Variants in BBX observed in about 807,000 individuals in gnomAD.
BBX encodes the protein HMG box transcription factor BBX.
In BBX, 30 loss-of-function variants were observed where a neutral mutation model predicts 100.2. The observed-to-expected ratio is 0.30, with a 90% CI of 0.22 to 0.41. The LOEUF (loss-of-function observed/expected upper bound fraction) is 0.41. Among genes scored for constraint, BBX ranks in the 10% least tolerant of loss-of-function variants. The pLI, the probability that BBX is intolerant of heterozygous loss-of-function variation, is 1.00. For missense variants in BBX, 1,023 were observed against 1,129.8 expected, an observed-to-expected ratio of 0.91 and a Z score of 1.35; for synonymous variants, 376 against 388.1, an observed-to-expected ratio of 0.97 and a Z score of 0.37.
intron 3 of BBX, among the ~76,000 whole-genome samples, chr3:107,694,535 G>A (rs2108112980): frequency 6.9e-6 from 1 of 145,710 alleles, no homozygotes; most frequent in South Asian, 2.2e-4. Flanking sequence ...TTGCATCCCA[G>A]GGATGAAGCC....
chr3:107,690,891 C>CTTTTTTTTTTTTTT (rs1305340083), intron 3 of BBX, among the ~76,000 whole-genome samples: 1 of 72,312 alleles, frequency 1.4e-5, no homozygotes, highest in Non-Finnish European at 2.7e-5. Context: ...TGCCCCCCCC[C>CTTTTTTTTTTTTTT]CTTTTTTTTT....
chr3:107,700,444 T>TATC (rs2108183561), intron 3 of BBX, among the ~76,000 whole-genome samples: 1 of 147,146 alleles, frequency 6.8e-6, no homozygotes, highest in South Asian at 2.2e-4. Flanking sequence ...TTATTATTAT[T>TATC]ATTATTATTA....
intron 3 of BBX, among the ~76,000 whole-genome samples, chr3:107,658,371 C>G (rs992558007): frequency 2.6e-5 from 4 of 152,110 alleles, no homozygotes; most frequent in African/African-American, 9.7e-5. Flanking sequence ...AAAATGCCAT[C>G]AGCAAACAAA....
At position 107,697,472 on chromosome 3, in the gene BBX, C is replaced by G. The variant is rs544382963; in HGVS notation, c.-9-12980C>G. On this transcript the variant is annotated intron_variant, in intron 3 of 17. Coordinates refer to ENST00000325805, the MANE Select transcript of BBX (RefSeq NM_001142568.3). ...GTACCTGGCCTTGTGAGGTGTCAGT[C>G]TGCCCCTGCTGGGGGTGCCTCCCAG... Among the ~76,000 whole-genome samples the G allele has an allele frequency of 1.4e-3, 213 of 151,964 alleles. 7 individuals are homozygous for G. The highest frequency in any genetic ancestry group is 4.5e-3 in the African/African-American group (185 of 41,254).
At position 107,617,481 on chromosome 3, in the gene BBX, CTA is replaced by C. The variant is rs145569279; in HGVS notation, c.-83-28353_-83-28352del. Among the ~76,000 whole-genome samples, 634 of 152,130 alleles carry C rather than the reference CTA, an allele frequency of 4.2e-3. 5 individuals are homozygous for C. Among genetic ancestry groups the C allele is most frequent in the African/African-American group, 0.015 (608 of 41,516 alleles). ...AATTTGGAGAGAATTGCCATCTTCG[CTA>C]TGTTTAGTTTTCTAATTCATGAACA... is the stretch of plus-strand genomic sequence containing the variant. On this transcript the variant is annotated intron_variant, in intron 2 of 17. Coordinates refer to ENST00000325805, the MANE Select transcript of BBX (RefSeq NM_001142568.3).
intron 3 of BBX, among the ~76,000 whole-genome samples, chr3:107,650,025 T>G (rs1365753594): frequency 6.6e-6 from 1 of 152,228 alleles, no homozygotes; most frequent in Non-Finnish European, 1.5e-5. Context: ...TACTGAAATT[T>G]TTTTCCTCAT....
chr3:107,792,800 A>G (rs553986598), intron 15 of BBX, among the ~76,000 whole-genome samples: 1 of 152,174 alleles, frequency 6.6e-6, no homozygotes, highest in Non-Finnish European at 1.5e-5. Flanking sequence ...GAAGAGTTTG[A>G]AGGACATTTA....
chr3:107,791,300 G>A lies in BBX; in HGVS notation c.2353+1G>A, dbSNP rs1325056966. On this transcript the variant is annotated splice_donor_variant, in intron 15 of 17. Transcript: ENST00000325805. LOFTEE classifies it high-confidence loss of function. The stretch of plus-strand genomic sequence containing the variant: ...TTGGATGCCATTCACCCTACAGAAG[G>A]TAAGACAAGCAATGTTATTTAATTT... The A allele has an allele frequency of 6.2e-7, 1 of 1,611,024 alleles. No homozygotes were observed. The highest frequency in any genetic ancestry group is 8.5e-7 in the Non-Finnish European group (1 of 1,177,716).
chr3:107,750,328 TAGG>T (rs1170159395), intron 9 of BBX, among the ~76,000 whole-genome samples: 1 of 152,110 alleles, frequency 6.6e-6, no homozygotes, highest in African/African-American at 2.4e-5. Context: ...GAAAACTTAT[TAGG>T]AGTTGTTTCA....
intron 2 of BBX, among the ~76,000 whole-genome samples, chr3:107,621,705 G>A (rs1047703484): frequency 6.6e-6 from 1 of 152,104 alleles, no homozygotes; most frequent in Non-Finnish European, 1.5e-5. Flanking sequence ...TTTTGGTCTT[G>A]GTTTTGTATA....
At chr3:107,552,321 G>A (rs1208696451) in intron 2 of BBX, among the ~76,000 whole-genome samples, 2 of 137,512 alleles carry the variant, frequency 1.5e-5, no homozygotes, top group African/African-American at 5.5e-5. Context: ...ACTCCAGCCT[G>A]GGCAACAGAA....
intron 2 of BBX, among the ~76,000 whole-genome samples, chr3:107,555,463 A>G (rs1483511167): frequency 6.6e-6 from 1 of 152,220 alleles, no homozygotes; most frequent in Non-Finnish European, 1.5e-5. Flanking sequence ...ACTTTTCAAG[A>G]AGACATTGAC....
chr3:107,600,817 A>G (rs1024459859), intron 2 of BBX, among the ~76,000 whole-genome samples: 5 of 152,150 alleles, frequency 3.3e-5, no homozygotes, highest in Non-Finnish European at 5.9e-5. Flanking sequence ...AGGAGGACTC[A>G]CCTCTACACC....
rs1305340083 is a variant in BBX, at chr3:107,690,891, C to CTTTT, written c.-9-19561_-9-19560insTTTT. ...ATGTTCTCACTTTGATGCCCCCCCC[C>CTTTT]CTTTTTTTTTTTTTTTTTTTTTTTT... On this transcript the variant is annotated intron_variant, in intron 3 of 17. Transcript: ENST00000325805. 4.6e-3 allele frequency among the ~76,000 whole-genome samples: 333 copies of CTTTT among 72,302 alleles called. 4 individuals carry two copies. The highest frequency in any genetic ancestry group is 0.011 in the Middle Eastern group (1 of 88). The allele number at this position is 72,302 out of a possible 152,430, so 47.4% of individuals were successfully genotyped here.
chr3:107,804,369 A>G (rs1488895366), intron 17 of BBX, among the ~76,000 whole-genome samples: 1 of 152,234 alleles, frequency 6.6e-6, no homozygotes, highest in East Asian at 1.9e-4. Flanking sequence ...GATACATCAC[A>G]TATTTTCAGC....
intron 2 of BBX, among the ~76,000 whole-genome samples, chr3:107,593,044 C>A (rs900896557): frequency 9.2e-5 from 14 of 152,196 alleles, no homozygotes; most frequent in African/African-American, 2.9e-4. Flanking sequence ...TAAAGTCTTA[C>A]TGGTGTTCTG....
At chr3:107,722,583 A>G (rs1576502297) in intron 5 of BBX, among the ~76,000 whole-genome samples, 1 of 152,080 alleles carries the variant, frequency 6.6e-6, no homozygotes, top group East Asian at 1.9e-4. Context: ...CCACAACACA[A>G]CAAGCAAATA....
chr3:107,556,385 C>A (rs2050100509), intron 2 of BBX, among the ~76,000 whole-genome samples: 1 of 152,018 alleles, frequency 6.6e-6, no homozygotes, highest in African/African-American at 2.4e-5. Flanking sequence ...GAATTAGATG[C>A]TGTTTAGATG....
chr3:107,777,782 TCCA>T, intron 12 of BBX, among the ~76,000 whole-genome samples: 1 of 152,322 alleles, frequency 6.6e-6, no homozygotes, highest in Admixed American at 6.5e-5. Context: ...TTCATTCTAG[TCCA>T]CTCTCCAGAA....
Sources: gnomAD v4.1 joint callset for allele counts (sites outside exome capture counted in the v4.1 genomes callset) on GRCh38, gnomAD v4.1.1 for gene constraint, MANE v1.5 for transcripts, NCBI Gene and HGNC (gene_info 2026-07-23, HGNC 2026-07-21) for gene names.